CACNA1A: variants seen among roughly 807,000 people sequenced by gnomAD.
CACNA1A encodes the protein voltage-dependent P/Q-type calcium channel subunit alpha-1A.
Under a neutral mutation model 262.4 loss-of-function variants are expected in CACNA1A, and 57 were observed. The observed-to-expected ratio is 0.22, with a 90% CI of 0.18 to 0.27. The LOEUF (loss-of-function observed/expected upper bound fraction) is 0.27. Ranked by LOEUF, CACNA1A falls within the 10% of genes least tolerant of loss-of-function variation. CACNA1A has a pLI of 1.00. For missense variants in CACNA1A, 2,526 were observed against 3,562.8 expected (o/e 0.71, Z 7.41); for synonymous variants, 1,431 against 1,419.3 (o/e 1.01, Z -0.18).
chr19:13,351,575 T>C (rs1221287625), intron 6 of CACNA1A, among the ~76,000 whole-genome samples: 1 of 152,194 alleles, frequency 6.6e-6, no homozygotes, highest in Admixed American at 6.5e-5. Flanking sequence ...AATGGCGTGA[T>C]CTCAGCTCAC....
chr19:13,238,419 C>A (rs1051811993), intron 31 of CACNA1A, among the ~76,000 whole-genome samples: 1 of 152,118 alleles, frequency 6.6e-6, no homozygotes, highest in African/African-American at 2.4e-5. Context: ...CACCTAAGGG[C>A]TCCAGAAAAG....
intron 6 of CACNA1A, among the ~76,000 whole-genome samples, chr19:13,341,357 G>A (rs59226036): frequency 6.6e-6 from 1 of 151,342 alleles, no homozygotes. Context: ...TGGACTCCTG[G>A]CCTCCTGAAC....
At chr19:13,299,428 C>T in intron 18 of CACNA1A, 75 bp from the exon 19 acceptor site, 4 of 1,243,092 alleles carry the variant, frequency 3.2e-6, no homozygotes, top group Non-Finnish European at 4.6e-6. Flanking sequence ...GGCGAACCAA[C>T]CCACATCTCA....
intron 6 of CACNA1A, among the ~76,000 whole-genome samples, chr19:13,346,711 G>A (rs1265366521): frequency 2.4e-5 from 2 of 82,496 alleles, no homozygotes; most frequent in East Asian, 8.1e-4. Flanking sequence ...ACAGAGTCTT[G>A]CTCTGTTGTC....
chr19:13,493,637 C>A (rs1981163467), intron 1 of CACNA1A, among the ~76,000 whole-genome samples: 1 of 152,198 alleles, frequency 6.6e-6, no homozygotes, highest in Non-Finnish European at 1.5e-5. Flanking sequence ...TCTACAGATT[C>A]AAAGAAAGTG....
intron 19 of CACNA1A, among the ~76,000 whole-genome samples, chr19:13,294,645 G>A (rs1011336421): frequency 1.3e-5 from 2 of 151,758 alleles, no homozygotes; most frequent in Admixed American, 6.6e-5. Flanking sequence ...CCACCACCAC[G>A]CCTGGCTAAT....
In CACNA1A at chr19:13,300,645, C is replaced by T. The variant is rs2057768476; in HGVS notation, c.2184G>A (p.Glu728=). ...NAQELTKDEQ[E]EEEAANQKLA... ...GTTTCTGGTTCGCTGCTTCTTCTTCCTCTTGCTCGTCCTAAAAGGCACGTG... is the reference window on the plus strand; with the variant it reads ...GTTTCTGGTTCGCTGCTTCTTCTTCTTCTTGCTCGTCCTAAAAGGCACGTG... Residue 728 remains glutamate, a synonymous_variant, in exon 18 of 47, where the codon GAG becomes GAA. Coordinates refer to ENST00000360228, the MANE Select transcript of CACNA1A (RefSeq NM_001127222.2). 2.5e-6 allele frequency: 4 copies of T among 1,613,490 alleles called. No homozygotes were observed. Among genetic ancestry groups the T allele is most frequent in the African/African-American group, 1.3e-5 (1 of 74,902 alleles).
intron 3 of CACNA1A, among the ~76,000 whole-genome samples, chr19:13,402,214 C>T (rs543671930): frequency 7.7e-4 from 117 of 152,320 alleles, no homozygotes; most frequent in African/African-American, 2.8e-3. Context: ...GGGAAGAAGC[C>T]CCTTCTCCCA....
intron 6 of CACNA1A, among the ~76,000 whole-genome samples, chr19:13,342,414 T>C (rs956082123): frequency 2.2e-4 from 34 of 151,740 alleles, no homozygotes; most frequent in African/African-American, 7.5e-4. Flanking sequence ...GGAAGGAGAG[T>C]GGGGGAGGAT....
intron 3 of CACNA1A, among the ~76,000 whole-genome samples, chr19:13,428,765 C>T (rs752017021): frequency 1.3e-5 from 2 of 152,030 alleles, no homozygotes; most frequent in Non-Finnish European, 1.5e-5. Flanking sequence ...ACCTGCGATC[C>T]GCTCTCATGG....
chr19:13,276,575 C>T (rs1173840458), intron 23 of CACNA1A, among the ~76,000 whole-genome samples: 2 of 152,194 alleles, frequency 1.3e-5, no homozygotes, highest in Admixed American at 1.3e-4. Context: ...TCTCTCACTC[C>T]GCCCAGCCAC....
chr19:13,249,503 A>T (rs981375623), intron 30 of CACNA1A, among the ~76,000 whole-genome samples: 2 of 151,862 alleles, frequency 1.3e-5, no homozygotes, highest in South Asian at 4.2e-4. Context: ...CTGCAGGTGC[A>T]CGCCACCACA....
chr19:13,348,447 A>T lies in CACNA1A; in HGVS notation c.978+11159T>A, dbSNP rs527606827. Among the ~76,000 whole-genome samples, 229 of 152,328 alleles carry T rather than the reference A, an allele frequency of 1.5e-3. 2 individuals carry two copies. Among genetic ancestry groups the T allele is most frequent in the African/African-American group, 4.1e-3 (170 of 41,592 alleles). On this transcript the variant is annotated intron_variant, in intron 6 of 46. Transcript: ENST00000360228. ...GCTGGGCATGGTGGCTCATGCCTGT[A>T]ATACCAGCACTTTGGGAGGCCAAGG...
At chr19:13,225,134 G>A in intron 37 of CACNA1A, 1 of 239,548 alleles carries the variant, frequency 4.2e-6, no homozygotes, top group Non-Finnish European at 8.4e-6. Context: ...GCACAAGCTG[G>A]ATTTGAGCAG....
At chr19:13,395,711 A>T (rs748562456) in intron 3 of CACNA1A, among the ~76,000 whole-genome samples, 10 of 152,200 alleles carry the variant, frequency 6.6e-5, no homozygotes, top group Non-Finnish European at 1.0e-4. Flanking sequence ...CCATACCCAG[A>T]AGGAATGCAT....
chr19:13,323,844 G>A (rs947386395), intron 10 of CACNA1A, among the ~76,000 whole-genome samples: 3 of 151,958 alleles, frequency 2.0e-5, no homozygotes, highest in Admixed American at 6.6e-5. Context: ...AATCATTCCC[G>A]AGACCAATGC....
At chr19:13,413,555 G>A (rs1372600422) in intron 3 of CACNA1A, among the ~76,000 whole-genome samples, 2 of 121,168 alleles carry the variant, frequency 1.7e-5, no homozygotes, top group Admixed American at 1.1e-4. Context: ...CTGAGTGACA[G>A]AGCAAGGTCC....
chr19:13,235,127 C>T (rs2055830015), intron 33 of CACNA1A, 82 bp downstream of exon 33: 1 of 1,553,044 alleles, frequency 6.4e-7, no homozygotes, highest in Non-Finnish European at 8.9e-7. Flanking sequence ...CTTCTGTGAA[C>T]CAGGCTCCTC....
intron 1 of CACNA1A, among the ~76,000 whole-genome samples, chr19:13,498,902 A>G (rs1982007235): frequency 1.3e-5 from 2 of 152,108 alleles, no homozygotes; most frequent in Middle Eastern, 3.4e-3. Flanking sequence ...GTCCCAGGCA[A>G]CCCTGGCTGA....
Sources: gnomAD v4.1 joint callset for allele counts (sites outside exome capture counted in the v4.1 genomes callset) on GRCh38, gnomAD v4.1.1 for gene constraint, MANE v1.5 for transcripts, NCBI Gene and HGNC (gene_info 2026-07-23, HGNC 2026-07-21) for gene names.